Variants in SCAPER observed in about 807,000 individuals in gnomAD.
The protein encoded by SCAPER is S phase cyclin A-associated protein in the endoplasmic reticulum.
SCAPER carries 98 observed loss-of-function variants against 182.2 expected under a neutral mutation model. The observed-to-expected ratio is 0.54, with a 90% CI of 0.46 to 0.64. SCAPER has a LOEUF of 0.64. Among genes scored for constraint, SCAPER ranks in the 30% least tolerant of loss-of-function variants. The probability of loss-of-function intolerance (pLI) is 0.00; values close to 1 mark genes in which losing one functional copy is unlikely to be tolerated. For synonymous variants in SCAPER, 605 were observed against 564.6 expected (o/e 1.07, Z -1.01); for missense variants, 1,432 against 1,690.0 (o/e 0.85, Z 2.68).
chr15:76,635,921 G>T (rs1025695284), intron 21 of SCAPER, among the ~76,000 whole-genome samples: 2 of 152,144 alleles, frequency 1.3e-5, no homozygotes, highest in Non-Finnish European at 2.9e-5. Context: ...ATTTGGTGAT[G>T]ATATATAATC....
At chr15:76,404,388 C>A in intron 27 of SCAPER, 136 bp downstream of exon 27, 1 of 806,168 alleles carries the variant, frequency 1.2e-6, no homozygotes, top group Admixed American at 2.6e-5. Flanking sequence ...TATAGAAAGC[C>A]AATGATGGGG....
At chr15:76,793,038 A>G (rs532437930) in intron 8 of SCAPER, among the ~76,000 whole-genome samples, 5 of 152,198 alleles carry the variant, frequency 3.3e-5, no homozygotes, top group African/African-American at 1.2e-4. Flanking sequence ...TGTTCATATC[A>G]TCTCTTCTCC....
chr15:76,476,643 A>C (rs1263367409), intron 24 of SCAPER, among the ~76,000 whole-genome samples: 4 of 115,130 alleles, frequency 3.5e-5, no homozygotes, highest in Non-Finnish European at 6.5e-5. Flanking sequence ...GAGTCTCACT[A>C]TGTTGCCCAG....
intron 25 of SCAPER, among the ~76,000 whole-genome samples, chr15:76,449,369 C>T (rs955026655): frequency 1.5e-4 from 23 of 152,160 alleles, no homozygotes; most frequent in African/African-American, 5.5e-4. Flanking sequence ...TATTCTATAC[C>T]TTAGATGAAA....
intron 23 of SCAPER, among the ~76,000 whole-genome samples, chr15:76,537,811 C>G (rs911562754): frequency 2.6e-5 from 4 of 152,212 alleles, no homozygotes; most frequent in Admixed American, 2.0e-4. Flanking sequence ...ATTTTTGCAA[C>G]CTACTCATCT....
intron 10 of SCAPER, among the ~76,000 whole-genome samples, chr15:76,767,727 T>C (rs2063199446): frequency 6.6e-6 from 1 of 151,920 alleles, no homozygotes; most frequent in Admixed American, 6.6e-5. Flanking sequence ...AGAACACAAG[T>C]CAGAGAAAAC....
At chr15:76,519,045 T>C (rs1034611665) in intron 23 of SCAPER, among the ~76,000 whole-genome samples, 3 of 152,166 alleles carry the variant, frequency 2.0e-5, no homozygotes, top group Non-Finnish European at 2.9e-5. Context: ...AGGCTGCTCA[T>C]TTACGGCAAA....
chr15:76,455,439 T>G (rs1363541219), intron 25 of SCAPER, among the ~76,000 whole-genome samples: 4 of 152,204 alleles, frequency 2.6e-5, no homozygotes, highest in African/African-American at 7.2e-5. Context: ...TGTATAATAC[T>G]TCTATTTAAA....
chr15:76,618,075 C>G (rs1370386190), intron 22 of SCAPER, among the ~76,000 whole-genome samples: 1 of 152,162 alleles, frequency 6.6e-6, no homozygotes, highest in East Asian at 1.9e-4. Flanking sequence ...TCTGACCAAC[C>G]CTGGTGAAAC....
At chr15:76,675,444 A>G (rs2057312520) in intron 20 of SCAPER, among the ~76,000 whole-genome samples, 1 of 152,222 alleles carries the variant, frequency 6.6e-6, no homozygotes, top group South Asian at 2.1e-4. Flanking sequence ...TACTGAAAGA[A>G]GAGGTGATAT....
intron 26 of SCAPER, among the ~76,000 whole-genome samples, chr15:76,406,902 G>C (rs922736463): frequency 1.2e-4 from 19 of 152,138 alleles, no homozygotes; most frequent in Non-Finnish European, 2.6e-4. Context: ...ATGAGTATAT[G>C]ACCTAGGGAG....
chr15:76,549,264 C>A (rs1177750037), intron 23 of SCAPER, among the ~76,000 whole-genome samples: 2 of 152,092 alleles, frequency 1.3e-5, no homozygotes, highest in Non-Finnish European at 2.9e-5. Flanking sequence ...TGGGTATATA[C>A]CCGAAGGATT....
chr15:76,694,055 T>C (rs1191096942), intron 20 of SCAPER, among the ~76,000 whole-genome samples: 1 of 152,010 alleles, frequency 6.6e-6, no homozygotes, highest in South Asian at 2.1e-4. Flanking sequence ...TTTCTCAGGA[T>C]TGCTGTGGCT....
At chr15:76,419,854 A>C (rs1341324431) in intron 26 of SCAPER, among the ~76,000 whole-genome samples, 1 of 152,232 alleles carries the variant, frequency 6.6e-6, no homozygotes, top group Non-Finnish European at 1.5e-5. Flanking sequence ...TTACAAGCCA[A>C]TATACTTCAT....
chr15:76,493,985 C>G (rs910517205), intron 24 of SCAPER, among the ~76,000 whole-genome samples: 1 of 152,022 alleles, frequency 6.6e-6, no homozygotes. Context: ...AAACTTTTAT[C>G]TAAAAATAGA....
At chr15:76,477,396 T>C (rs1036605779) in intron 24 of SCAPER, among the ~76,000 whole-genome samples, 14 of 152,264 alleles carry the variant, frequency 9.2e-5, no homozygotes, top group Admixed American at 1.3e-4. Context: ...TCTGCAAATA[T>C]ATATAGGACA....
chr15:76,672,219 T>C (rs866616972), intron 20 of SCAPER, among the ~76,000 whole-genome samples: 11 of 152,188 alleles, frequency 7.2e-5, no homozygotes, highest in Admixed American at 6.5e-4. Context: ...TTCACAAAAA[T>C]TGTATAAGAG....
chr15:76,548,984 A>G (rs1360446693), intron 23 of SCAPER, among the ~76,000 whole-genome samples: 1 of 152,220 alleles, frequency 6.6e-6, no homozygotes, highest in Non-Finnish European at 1.5e-5. Flanking sequence ...ACAGCAAAAG[A>G]AACTACCATC....
intron 23 of SCAPER, among the ~76,000 whole-genome samples, chr15:76,570,400 C>T (rs1005194654): frequency 5.3e-5 from 8 of 152,020 alleles, no homozygotes; most frequent in Non-Finnish European, 1.0e-4. Flanking sequence ...TGATCATCAA[C>T]GGTACCTAGT....
Sources: allele counts gnomAD v4.1 joint callset (sites outside exome capture counted in the v4.1 genomes callset), GRCh38; gene constraint gnomAD v4.1.1; transcripts MANE v1.5; gene names NCBI Gene and HGNC (gene_info 2026-07-23, HGNC 2026-07-21).